The following DLGAP2 variants were observed in gnomAD, a reference collection of about 807,000 sequenced individuals.
The protein encoded by DLGAP2 is DLG associated protein 2.
Under a neutral mutation model 100.3 loss-of-function variants are expected in DLGAP2, and 26 were observed. That is an observed-to-expected ratio of 0.26 (90% CI 0.19 to 0.36). DLGAP2 has a LOEUF of 0.36. Among genes scored for constraint, DLGAP2 ranks in the 10% least tolerant of loss-of-function variants. The pLI, the probability that DLGAP2 is intolerant of heterozygous loss-of-function variation, is 1.00. For missense variants in DLGAP2, 1,858 were observed against 1,453.2 expected, an observed-to-expected ratio of 1.28 and a Z score of -4.53; for synonymous variants, 886 against 630.1, an observed-to-expected ratio of 1.41 and a Z score of -6.08.
At chr8:906,510 G>A (rs959176087) in intron 1 of DLGAP2, among the ~76,000 whole-genome samples, 57 of 152,204 alleles carry the variant, frequency 3.7e-4, no homozygotes, top group Non-Finnish European at 1.5e-4. Context: ...AGGAGCCCTC[G>A]AAGGCGTCAA....
chr8:911,293 G>A (rs1798479950), intron 2 of DLGAP2, among the ~76,000 whole-genome samples: 1 of 152,208 alleles, frequency 6.6e-6, no homozygotes, highest in Admixed American at 6.5e-5. Flanking sequence ...TTGGAAGGAT[G>A]CTGGAGAATC....
At chr8:1,373,527 A>C (rs536953120) in intron 3 of DLGAP2, among the ~76,000 whole-genome samples, 2 of 152,338 alleles carry the variant, frequency 1.3e-5, no homozygotes, top group African/African-American at 2.4e-5. Flanking sequence ...GCAGTGGGCA[A>C]TTGTTCTCTT....
intron 2 of DLGAP2, among the ~76,000 whole-genome samples, chr8:1,093,120 C>T (rs1804239981): frequency 1.3e-5 from 2 of 152,230 alleles, no homozygotes; most frequent in East Asian, 3.8e-4. Context: ...TCTTCTCTCA[C>T]AGCCTCCAGC....
At chr8:1,556,917 C>G (rs906681822) in intron 5 of DLGAP2, among the ~76,000 whole-genome samples, 1 of 152,168 alleles carries the variant, frequency 6.6e-6, no homozygotes, top group Non-Finnish European at 1.5e-5. Context: ...GCCATGCACC[C>G]AGCATTTCTC....
intron 1 of DLGAP2, among the ~76,000 whole-genome samples, chr8:821,895 G>C (rs574598030): frequency 6.6e-6 from 1 of 152,174 alleles, no homozygotes; most frequent in Admixed American, 6.5e-5. Context: ...GCCATTCCAC[G>C]GTCTGGTCTA....
chr8:1,378,431 T>A (rs1796012878), intron 3 of DLGAP2, among the ~76,000 whole-genome samples: 1 of 151,234 alleles, frequency 6.6e-6, no homozygotes, highest in African/African-American at 2.4e-5. Context: ...TGCACACACC[T>A]GACCTCACCT....
chr8:1,549,501 A>G lies in DLGAP2; in HGVS notation c.1048A>G (p.Lys350Glu), dbSNP rs755154549. The change falls in exon 5 of 15, where the codon AAG becomes GAG. Residue 350 changes from lysine (K) to glutamate (E), a missense_variant. By Grantham distance (56) the Lys-to-Glu change is moderately conservative (BLOSUM62 1). Coordinates refer to ENST00000637795, the MANE Select transcript of DLGAP2 (RefSeq NM_001346810.2). ...LKTSKSNNDV[K>E]CSACEGLALT... is the part of the protein sequence containing the mutation. ...GACCTCCAAGAGCAACAACGACGTC[A>G]AGTGCTCGGCCTGTGAGGGGTTGGC... The G allele has an allele frequency of 3.3e-5, 53 of 1,613,372 alleles. No individual in the cohort carries two copies. Among genetic ancestry groups the G allele is most frequent in the Non-Finnish European group, 4.3e-5 (51 of 1,179,832 alleles).
At chr8:1,542,433 T>C (rs183061429) in intron 4 of DLGAP2, among the ~76,000 whole-genome samples, 76 of 152,344 alleles carry the variant, frequency 5.0e-4, no homozygotes, top group African/African-American at 1.7e-3. Context: ...GAATCAACAA[T>C]CTGTTTTCCA....
At chr8:942,793 C>T (rs762960567) in intron 2 of DLGAP2, among the ~76,000 whole-genome samples, 1 of 152,182 alleles carries the variant, frequency 6.6e-6, no homozygotes, top group Non-Finnish European at 1.5e-5. Flanking sequence ...GTTTTACTCA[C>T]AGGTAGAATT....
intron 1 of DLGAP2, among the ~76,000 whole-genome samples, chr8:769,334 A>G (rs1010223168): frequency 2.6e-5 from 4 of 152,048 alleles, no homozygotes; most frequent in Non-Finnish European, 5.9e-5. Flanking sequence ...AACGCTAACA[A>G]GAACTTGTTT....
chr8:1,685,939 C>T (rs1191172179), intron 12 of DLGAP2, among the ~76,000 whole-genome samples: 1 of 152,128 alleles, frequency 6.6e-6, no homozygotes, highest in Admixed American at 6.6e-5. Context: ...AATGCTGTCA[C>T]AGGTGCGGAG....
chr8:1,201,961 G>T (rs1210023540), intron 2 of DLGAP2, among the ~76,000 whole-genome samples: 2 of 105,172 alleles, frequency 1.9e-5, no homozygotes, highest in African/African-American at 2.8e-5. Flanking sequence ...TACACATGTG[G>T]TGTGTACAGT....
At chr8:1,442,152 G>T (rs1286161814) in intron 3 of DLGAP2, among the ~76,000 whole-genome samples, 2 of 152,188 alleles carry the variant, frequency 1.3e-5, no homozygotes, top group African/African-American at 2.4e-5. Flanking sequence ...GCTGCTGTGG[G>T]TTCAGCCACT....
chr8:1,136,660 C>A lies in DLGAP2; in HGVS notation c.74-122191C>A, dbSNP rs142518798. The stretch of plus-strand genomic sequence containing the variant: ...CTCAGTAAAAACGTCTTTCTCTATG[C>A]TCTTCAAATTGAATGTGGATTCCCC... On this transcript the variant is annotated intron_variant, in intron 2 of 14. Transcript: ENST00000637795. 3.2e-4 allele frequency among the ~76,000 whole-genome samples: 48 copies of A among 152,346 alleles called. 1 individual carries two copies. The East Asian group carries it at 9.1e-3, about 29-fold the overall frequency.
At chr8:1,475,533 C>G (rs908473209) in intron 3 of DLGAP2, among the ~76,000 whole-genome samples, 2 of 152,154 alleles carry the variant, frequency 1.3e-5, no homozygotes, top group South Asian at 2.1e-4. Context: ...CAGGCTGTTT[C>G]GTGAGGATCA....
At chr8:1,550,577 C>T (rs1462403042) in intron 5 of DLGAP2, among the ~76,000 whole-genome samples, 1 of 152,194 alleles carries the variant, frequency 6.6e-6, no homozygotes, top group African/African-American at 2.4e-5. Context: ...CACCTGGCCA[C>T]AGCCTCTCTA....
At chr8:1,384,624 C>T (rs1796173911) in intron 3 of DLGAP2, among the ~76,000 whole-genome samples, 2 of 142,514 alleles carry the variant, frequency 1.4e-5, no homozygotes, top group Admixed American at 6.9e-5. Context: ...GCACAGTTAC[C>T]CCGGCCTGTG....
chr8:1,376,118 G>C (rs1012752910), intron 3 of DLGAP2, among the ~76,000 whole-genome samples: 2 of 150,782 alleles, frequency 1.3e-5, no homozygotes, highest in Middle Eastern at 6.8e-3. Flanking sequence ...CACGACCTCA[G>C]AACTGAGCCC....
intron 1 of DLGAP2, among the ~76,000 whole-genome samples, chr8:777,650 C>A (rs1422710291): frequency 6.6e-6 from 1 of 152,084 alleles, no homozygotes; most frequent in Non-Finnish European, 1.5e-5. Context: ...GTTGAAAATT[C>A]TTTTCTTTGA....
Sources: gnomAD v4.1 joint callset for allele counts (sites outside exome capture counted in the v4.1 genomes callset) on GRCh38, gnomAD v4.1.1 for gene constraint, MANE v1.5 for transcripts, NCBI Gene and HGNC (gene_info 2026-07-23, HGNC 2026-07-21) for gene names.